The following ME3 variants were observed in gnomAD, a reference collection of about 807,000 sequenced individuals.
ME3 encodes malic enzyme 3, also known as NADP-dependent malic enzyme, mitochondrial.
In ME3, 48 loss-of-function variants were observed where a neutral mutation model predicts 68.9. The observed-to-expected ratio is 0.70, with a 90% confidence interval of 0.55 to 0.89. ME3 has a LOEUF of 0.89. ME3 is among the 40% of genes least tolerant of loss of function. ME3 has a pLI of 0.00. For missense variants in ME3, 675 were observed against 797.4 expected (o/e 0.85, Z 1.85); for synonymous variants, 320 against 318.8 (o/e 1.00, Z -0.04).
intron 4 of ME3, among the ~76,000 whole-genome samples, chr11:86,552,038 T>G (rs1471477043): frequency 6.6e-6 from 1 of 152,204 alleles, no homozygotes; most frequent in African/African-American, 2.4e-5. Context: ...TCAGCAGGTT[T>G]ACAGTGTGTA....
intron 4 of ME3, among the ~76,000 whole-genome samples, chr11:86,554,172 C>G (rs1956821559): frequency 6.6e-6 from 1 of 152,214 alleles, no homozygotes; most frequent in Non-Finnish European, 1.5e-5. Context: ...GGTCCTAACC[C>G]TTCTACTAGT....
chr11:86,604,026 C>T (rs1181675661), intron 2 of ME3, among the ~76,000 whole-genome samples: 1 of 150,050 alleles, frequency 6.7e-6, no homozygotes, highest in Non-Finnish European at 1.5e-5. Flanking sequence ...AGCACACCAA[C>T]GTGGCACATG....
In ME3 at chr11:86,477,335, A is replaced by C. The variant is rs114085812; in HGVS notation, c.809+10002T>G. ...GAGGTACTTGTACTTTGTAAACTTC[A>C]GTTTCTTCATCTCTTAAAATAAAGT... On this transcript the variant is annotated intron_variant, in intron 7 of 14. Coordinates refer to ENST00000543262, the Ensembl canonical transcript of ME3. Among the ~76,000 whole-genome samples the C allele has an allele frequency of 2.9e-5, 4 of 136,542 alleles. No individual in the cohort carries two copies. In the East Asian group the frequency reaches 6.2e-4, roughly 21 times the overall value. 89.6% of individuals were successfully genotyped at this position (136,542 alleles called of 152,430 possible).
intron 2 of ME3, among the ~76,000 whole-genome samples, chr11:86,641,232 A>T (rs1340256882): frequency 6.6e-6 from 1 of 152,220 alleles, no homozygotes; most frequent in African/African-American, 2.4e-5. Context: ...AAAAAAACAG[A>T]AAACAGCAGC....
At chr11:86,617,055 T>TTTTTG (rs1943019128) in intron 2 of ME3, among the ~76,000 whole-genome samples, 1 of 81,312 alleles carries the variant, frequency 1.2e-5, no homozygotes, top group Non-Finnish European at 2.7e-5. Context: ...GTTTTTTTTT[T>TTTTTG]TTTTTTTTTT....
chr11:86,459,244 G>A (rs1950103204), intron 8 of ME3, among the ~76,000 whole-genome samples: 1 of 152,156 alleles, frequency 6.6e-6, no homozygotes, highest in Non-Finnish European at 1.5e-5. Context: ...GAATAATAGG[G>A]AATATGTGGG....
chr11:86,618,170 C>T (rs755317398), intron 2 of ME3, among the ~76,000 whole-genome samples: 3 of 151,626 alleles, frequency 2.0e-5, no homozygotes, highest in African/African-American at 2.4e-5. Context: ...CATGGTGGCA[C>T]GCACCTATAA....
chr11:86,647,972 A>C (rs1403738112), intron 2 of ME3, among the ~76,000 whole-genome samples: 7 of 152,206 alleles, frequency 4.6e-5, no homozygotes, highest in Non-Finnish European at 2.9e-5. Flanking sequence ...TCAGAACCAC[A>C]TAGCACTTAT....
chr11:86,610,660 T>G (rs1594657632), intron 2 of ME3, among the ~76,000 whole-genome samples: 1 of 89,284 alleles, frequency 1.1e-5, no homozygotes, highest in African/African-American at 4.5e-5. Flanking sequence ...TTTTGGGCTG[T>G]GGGGTTGGGG....
At chr11:86,614,598 TG>T (rs1319788309) in intron 2 of ME3, among the ~76,000 whole-genome samples, 1 of 152,116 alleles carries the variant, frequency 6.6e-6, no homozygotes, top group Non-Finnish European at 1.5e-5. Context: ...ATTCCCAGGG[TG>T]GTGCCTTATC....
At chr11:86,595,650 A>G (rs1959316095) in intron 2 of ME3, among the ~76,000 whole-genome samples, 1 of 152,212 alleles carries the variant, frequency 6.6e-6, no homozygotes. Context: ...AAAGATCATG[A>G]GGGGAAGTGT....
chr11:86,651,192 A>T lies in ME3; in HGVS notation c.183+20570T>A, dbSNP rs917308516. On this transcript the variant is annotated intron_variant, in intron 2 of 14. Transcript: ENST00000543262. ...GGCAGGGCATAGCCAAACAAAAGGC[A>T]GCAGAAACCTCTGCAGACTTAAATG... Among the ~76,000 whole-genome samples the T allele has an allele frequency of 2.0e-5, 3 of 152,348 alleles. No individual in the cohort carries two copies. In the East Asian group the frequency reaches 5.8e-4, roughly 29 times the overall value.
chr11:86,534,335 T>C (rs1405721056), intron 4 of ME3, among the ~76,000 whole-genome samples: 1 of 152,188 alleles, frequency 6.6e-6, no homozygotes, highest in African/African-American at 2.4e-5. Context: ...TTTTCTACTT[T>C]ATACACTTTT....
intron 2 of ME3, among the ~76,000 whole-genome samples, chr11:86,606,879 G>A (rs1407481684): frequency 6.6e-6 from 1 of 152,122 alleles, no homozygotes; most frequent in African/African-American, 2.4e-5. Flanking sequence ...GTGTCACCAG[G>A]AGAAACAAAT....
At chr11:86,446,384 C>G in exon 13 of ME3, 1 of 1,614,204 alleles carries the variant, frequency 6.2e-7, no homozygotes, top group Non-Finnish European at 8.5e-7. Context: ...CAGTGCCACC[C>G]CGGGGAACAC....
intron 4 of ME3, among the ~76,000 whole-genome samples, chr11:86,532,318 G>C (rs996564446): frequency 6.9e-6 from 1 of 144,590 alleles, no homozygotes; most frequent in Non-Finnish European, 1.5e-5. Context: ...AGACAGATCA[G>C]ACAGAAAATA....
rs746448491 is a variant in ME3, at chr11:86,531,985, ACC to A, written c.468-23120_468-23119del. ...AAAACTTAAAGTATAATTAAAAAAA[ACC>A]AAACCAAAAAAAAACCAGAAACTGA... On this transcript the variant is annotated intron_variant, in intron 4 of 14. Coordinates refer to ENST00000543262, the Ensembl canonical transcript of ME3. 8.8e-5 allele frequency among the ~76,000 whole-genome samples: 13 copies of A among 148,344 alleles called. 1 individual carries two copies. Among genetic ancestry groups the A allele is most frequent in the Admixed American group, 3.4e-4 (5 of 14,834 alleles).
chr11:86,450,560 C>G (rs1949572513), intron 8 of ME3, among the ~76,000 whole-genome samples, 162 bp from the exon 9 acceptor site: 1 of 152,218 alleles, frequency 6.6e-6, no homozygotes, highest in South Asian at 2.1e-4. Context: ...AATCCATGCT[C>G]TCTTTTGCAG....
intron 2 of ME3, among the ~76,000 whole-genome samples, chr11:86,623,684 T>C (rs1056907760): frequency 6.6e-6 from 1 of 152,234 alleles, no homozygotes; most frequent in South Asian, 2.1e-4. Flanking sequence ...GGCATTGTTA[T>C]AGAAATAGCA....
Sources: gnomAD v4.1 joint callset for allele counts (sites outside exome capture counted in the v4.1 genomes callset) on GRCh38, gnomAD v4.1.1 for gene constraint, MANE v1.5 for transcripts, NCBI Gene and HGNC (gene_info 2026-07-23, HGNC 2026-07-21) for gene names.